DLG2: variants seen among roughly 807,000 people sequenced by gnomAD.
DLG2 encodes the protein discs large MAGUK scaffold protein 2.
In DLG2, 45 loss-of-function variants were observed where a neutral mutation model predicts 132.5. That is an observed-to-expected ratio of 0.34 (90% CI 0.27 to 0.44). The LOEUF is 0.44. DLG2 is among the 20% of genes least tolerant of loss of function. The pLI is 1.00. For synonymous variants in DLG2, 424 were observed against 419.6 expected (o/e 1.01, Z -0.13); for missense variants, 1,045 against 1,196.9 (o/e 0.87, Z 1.87).
intron 6 of DLG2, among the ~76,000 whole-genome samples, chr11:85,069,197 T>C (rs368754911): frequency 1.4e-4 from 21 of 151,802 alleles, no homozygotes; most frequent in African/African-American, 2.7e-4. Context: ...ACCATAAAAA[T>C]CCTAGAAGAA....
At chr11:84,113,864 G>T (rs2093487803) in intron 9 of DLG2, among the ~76,000 whole-genome samples, 1 of 152,044 alleles carries the variant, frequency 6.6e-6, no homozygotes, top group Non-Finnish European at 1.5e-5. Flanking sequence ...TTTAAAGAAT[G>T]ACCATTTGTC....
At chr11:85,583,128 G>GTATATATA (rs1288807092) in intron 3 of DLG2, among the ~76,000 whole-genome samples, 34 of 27,418 alleles carry the variant, frequency 1.2e-3, no homozygotes, top group South Asian at 2.1e-3. Context: ...GTGTGTGTGT[G>GTATATATA]TGTATATATA....
At position 83,737,595 on chromosome 11, in the gene DLG2, T is replaced by G. The variant is rs544969737; in HGVS notation, c.1825+49095A>C. Among the ~76,000 whole-genome samples the G allele has an allele frequency of 6.6e-5, 10 of 152,334 alleles. No homozygotes were observed. In the South Asian group the frequency reaches 1.9e-3, roughly 28 times the overall value. The stretch of plus-strand genomic sequence containing the variant: ...ATTATAAACACAGATTGGAAAAGGA[T>G]AGCAAATAGAACTATATGCTTGGTC... On this transcript the variant is annotated intron_variant, in intron 18 of 27. Transcript: ENST00000376104.
intron 21 of DLG2, among the ~76,000 whole-genome samples, chr11:83,485,118 G>GT (rs2093420743): frequency 7.4e-6 from 1 of 135,856 alleles, no homozygotes; most frequent in Admixed American, 7.2e-5. Flanking sequence ...TTCTGATCAG[G>GT]TAAAAAAAGT....
intron 3 of DLG2, among the ~76,000 whole-genome samples, chr11:85,418,842 G>T (rs188146364): frequency 8.8e-4 from 134 of 152,214 alleles, no homozygotes; most frequent in African/African-American, 3.1e-3. Context: ...CATGAGATGG[G>T]TCTCCTGAAT....
chr11:85,323,943 T>A (rs531336766), intron 3 of DLG2, among the ~76,000 whole-genome samples: 1 of 152,320 alleles, frequency 6.6e-6, no homozygotes, highest in African/African-American at 2.4e-5. Flanking sequence ...GGCTCAGCCC[T>A]CCTGTCACTT....
chr11:84,821,648 C>CAA (rs1165617353), intron 6 of DLG2, among the ~76,000 whole-genome samples: 20 of 87,258 alleles, frequency 2.3e-4, no homozygotes, highest in African/African-American at 7.8e-4. Context: ...AAAACAACAA[C>CAA]AACAAAAAAA....
At chr11:84,070,035 C>T (rs2096733496) in intron 10 of DLG2, among the ~76,000 whole-genome samples, 1 of 152,144 alleles carries the variant, frequency 6.6e-6, no homozygotes, top group Non-Finnish European at 1.5e-5. Flanking sequence ...GCTAATTAGC[C>T]CCTCTCCATT....
chr11:85,096,754 G>A (rs188940186), intron 6 of DLG2, among the ~76,000 whole-genome samples: 30 of 150,852 alleles, frequency 2.0e-4, no homozygotes, highest in East Asian at 1.8e-3. Context: ...GACCCTTTTC[G>A]CTTGCCATTC....
intron 6 of DLG2, among the ~76,000 whole-genome samples, chr11:84,599,663 T>G (rs2099571171): frequency 6.6e-6 from 1 of 152,102 alleles, no homozygotes; most frequent in Non-Finnish European, 1.5e-5. Context: ...TTTGGGAGCA[T>G]TTAGTATTCA....
intron 6 of DLG2, among the ~76,000 whole-genome samples, chr11:84,947,986 C>T (rs1351953155): frequency 6.6e-6 from 1 of 152,186 alleles, no homozygotes; most frequent in Non-Finnish European, 1.5e-5. Flanking sequence ...CGTTAGGTAG[C>T]TAACTTCCTC....
At chr11:83,633,787 C>T (rs573241201) in intron 18 of DLG2, among the ~76,000 whole-genome samples, 95 of 147,286 alleles carry the variant, frequency 6.5e-4, no homozygotes, top group Non-Finnish European at 1.2e-3. Context: ...CACACAACTG[C>T]GGAAAATCTG....
intron 6 of DLG2, among the ~76,000 whole-genome samples, chr11:84,594,511 A>G (rs370971097): frequency 6.6e-6 from 1 of 152,236 alleles, no homozygotes; most frequent in African/African-American, 2.4e-5. Flanking sequence ...AAGAATATGA[A>G]AGACAGAAGA....
intron 3 of DLG2, among the ~76,000 whole-genome samples, chr11:85,298,532 T>C (rs2079386242): frequency 6.6e-6 from 1 of 152,036 alleles, no homozygotes; most frequent in African/African-American, 2.4e-5. Flanking sequence ...AAGAAAAAAG[T>C]AAAAGCTGAG....
rs543447761 is a variant in DLG2 at position 85,167,751 on chromosome 11, T to C, written c.187-13100A>G. On this transcript the variant is annotated intron_variant, in intron 4 of 27. Coordinates refer to ENST00000376104, the MANE Select transcript of DLG2 (RefSeq NM_001142699.3). ...TCACTTCTCTGTCATGTAAAACTTATGTTAAATTAATGCATATGCTTTTCT... is the reference window on the plus strand; with the variant it reads ...TCACTTCTCTGTCATGTAAAACTTACGTTAAATTAATGCATATGCTTTTCT... Among the ~76,000 whole-genome samples, 19 of 152,290 alleles carry C rather than the reference T, an allele frequency of 1.2e-4. No individual in the cohort carries two copies. In the South Asian group the frequency reaches 1.9e-3, roughly 15 times the overall value.
At chr11:85,075,285 T>G (rs1374091939) in intron 6 of DLG2, among the ~76,000 whole-genome samples, 1 of 151,928 alleles carries the variant, frequency 6.6e-6, no homozygotes, top group African/African-American at 2.4e-5. Context: ...GTATGTATAC[T>G]CAGTGACCTA....
intron 6 of DLG2, among the ~76,000 whole-genome samples, chr11:84,543,933 G>A (rs936962281): frequency 6.6e-6 from 1 of 152,204 alleles, no homozygotes; most frequent in Non-Finnish European, 1.5e-5. Context: ...AGCTGACAGA[G>A]CTTTGTGTGC....
At chr11:84,917,169 G>C (rs1461006870) in intron 6 of DLG2, among the ~76,000 whole-genome samples, 1 of 152,092 alleles carries the variant, frequency 6.6e-6, no homozygotes, top group Non-Finnish European at 1.5e-5. Flanking sequence ...ATAACACCTA[G>C]GTCTGTGCCT....
chr11:85,112,319 C>T (rs1332362936), intron 5 of DLG2, among the ~76,000 whole-genome samples: 1 of 152,030 alleles, frequency 6.6e-6, no homozygotes, highest in Admixed American at 6.6e-5. Flanking sequence ...TTTCCAGGCA[C>T]TTCTTTATAC....
Sources: gnomAD v4.1 joint callset for allele counts (sites outside exome capture counted in the v4.1 genomes callset) on GRCh38, gnomAD v4.1.1 for gene constraint, MANE v1.5 for transcripts, NCBI Gene and HGNC (gene_info 2026-07-23, HGNC 2026-07-21) for gene names.